TCHH: variants seen among roughly 807,000 people sequenced by gnomAD.
TCHH encodes trichohyalin.
TCHH carries 6 observed loss-of-function variants against 6.3 expected under a neutral mutation model. That is an observed-to-expected ratio of 0.95 (90% CI 0.52 to 1.88). The LOEUF is 1.88. Among genes scored for constraint, TCHH ranks in the 40% most tolerant of loss-of-function variants. TCHH has a pLI of 0.01. For synonymous variants in TCHH, 1,087 were observed against 963.6 expected (o/e 1.13, Z -2.37); for missense variants, 2,920 against 2,449.1 (o/e 1.19, Z -4.06).
chr1:152,110,568 CTTCCT>C lies in TCHH; in HGVS notation c.2644_2648del (p.Arg882GlufsTer81). On this transcript the variant is annotated frameshift_variant, in exon 3 of 3. Transcript: ENST00000614923. LOFTEE classifies it low-confidence loss of function (END_TRUNC). ...TGGCGTACAGCGTGTGGCGGCGTCT[CTTCCT>C]TTCTTCTTCTAGTTGCCACCTCCAT... 1.2e-6 allele frequency: 2 copies of C among 1,614,192 alleles called. No individual in the cohort carries two copies. Among genetic ancestry groups the C allele is most frequent in the Non-Finnish European group, 1.7e-6 (2 of 1,180,024 alleles).
chr1:152,110,777 C>T lies in TCHH; in HGVS notation c.2440G>A (p.Glu814Lys), dbSNP rs1572157578. 1.2e-6 allele frequency: 2 copies of T among 1,607,752 alleles called. No homozygotes were observed. Among genetic ancestry groups the T allele is most frequent in the South Asian group, 2.2e-5 (2 of 91,072 alleles). The change falls in exon 3 of 3, where the codon GAG (glutamate) becomes AAG (lysine). Residue 814 changes from glutamate to lysine, a missense_variant. Transcript: ENST00000614923. ...QQREQRFLPE[E>K]EEKEQRRRQR... ...CGGCGCCGCTGCTCCTTCTCCTCCTCCTCCGGGAGAAACCGTTGTTCCCGC... is the reference window on the plus strand; with the variant it reads ...CGGCGCCGCTGCTCCTTCTCCTCCTTCTCCGGGAGAAACCGTTGTTCCCGC...
In TCHH at chr1:152,109,958, G is replaced by A. The variant is rs1658267297; in HGVS notation, c.3259C>T (p.Gln1087Ter). The change falls in exon 3 of 3, where the codon CAG (glutamine) becomes TAG (stop). Residue 1087 changes from glutamine to a stop codon, truncating the protein, a stop_gained. Coordinates refer to ENST00000614923, the MANE Select transcript of TCHH (RefSeq NM_007113.4). LOFTEE classifies it low-confidence loss of function (END_TRUNC). ...ERQYRKEEEL[Q>*]QEEEQLLREE... is the part of the protein sequence containing the mutation. ...CTCAGCAGCTGCTCTTCCTCCTGCT[G>A]CAGCTCCTCTTCCTTCCGATATTGC... The A allele has an allele frequency of 3.8e-6, 6 of 1,579,762 alleles. No individual in the cohort carries two copies. The highest frequency in any genetic ancestry group is 2.8e-5 in the African/African-American group (2 of 71,378).
In TCHH at chr1:152,109,848, C is replaced by T. The variant is rs1242962628; in HGVS notation, c.3369G>A (p.Leu1123=). The T allele has an allele frequency of 1.2e-6, 2 of 1,611,122 alleles. No homozygotes were observed. Among genetic ancestry groups the T allele is most frequent in the Non-Finnish European group, 1.7e-6 (2 of 1,179,364 alleles). ...EEELQQEEEQ[L]LREEREKRRR... ...TTCTCTTCTCCCGTTCCTCTCTCAGCAGCTGCTCTTCCTCCTGCTGCAGCT... is the reference window on the plus strand; with the variant it reads ...TTCTCTTCTCCCGTTCCTCTCTCAGTAGCTGCTCTTCCTCCTGCTGCAGCT... Residue 1123 remains leucine, a synonymous_variant, in exon 3 of 3, where the codon CTG becomes CTA. Coordinates refer to ENST00000614923, the MANE Select transcript of TCHH (RefSeq NM_007113.4).
Position 152,111,291 on chromosome 1 carries a change from C to T in TCHH, c.1926G>A (p.Arg642=), listed in dbSNP as rs780296780. 8 of 1,604,916 alleles carry T rather than the reference C, an allele frequency of 5.0e-6. No homozygotes were observed. The Admixed American group carries it at 1.3e-4, about 27-fold the overall frequency. The change falls in exon 3 of 3, where the codon AGG becomes AGA. Residue 642 remains arginine, a synonymous_variant. Coordinates refer to ENST00000614923, the MANE Select transcript of TCHH (RefSeq NM_007113.4). ...GCTCGCGCCTTAGTTGCTGCTGGCGCCTCTCCTCCTGCTCCTCGCTCTTCA... is the reference window on the plus strand; with the variant it reads ...GCTCGCGCCTTAGTTGCTGCTGGCGTCTCTCCTCCTGCTCCTCGCTCTTCA... ...QLLKSEEQEE[R]RQQQLRREQQ... is the part of the protein sequence containing the mutation.
In TCHH at chr1:152,106,579, G is replaced by A. The variant is rs1658112269; in HGVS notation, c.*806C>T. On this transcript the variant is annotated 3_prime_UTR_variant, in exon 3 of 3. Transcript: ENST00000614923. Reference sequence around the variant, plus strand: ...TTCTAACAAGCTAAAATTAACAAAGGTTCATAATATTCTGAAACTCATCAA... The same window carrying A: ...TTCTAACAAGCTAAAATTAACAAAGATTCATAATATTCTGAAACTCATCAA... 1 of 152,066 alleles carries A rather than the reference G, an allele frequency of 6.6e-6. No homozygotes were observed. Among genetic ancestry groups the A allele is most frequent in the South Asian group, 2.1e-4 (1 of 4,820 alleles). The allele number at this position is 152,066 out of a possible 1,614,324, so 9.4% of individuals were successfully genotyped here.
Position 152,113,056 on chromosome 1 carries a change from A to C in TCHH, c.161T>G (p.Val54Gly). ...VLRRPHDPKT[V>G]DLILELLDLD... is the part of the protein sequence containing the mutation. ...ATCCAGAAGTTCCAGGATCAGATCT[A>C]CCGTCTTAGGGTCATGTGGTCTCTA... is the stretch of plus-strand genomic sequence containing the variant. The change falls in exon 3 of 3, where the codon GTA (valine) becomes GGA (glycine). Residue 54 changes from valine (V) to glycine (G), a missense_variant. Physicochemically the swap from Val to Gly is moderately radical, Grantham distance 109 (BLOSUM62 -3). Transcript: ENST00000614923. 6.2e-7 allele frequency: 1 copy of C among 1,612,858 alleles called. No homozygotes were observed. The highest frequency in any genetic ancestry group is 8.5e-7 in the Non-Finnish European group (1 of 1,179,344).
In TCHH at chr1:152,110,739, C is replaced by G. The variant is rs1194574576; in HGVS notation, c.2478G>C (p.Glu826Asp). 2 of 1,609,694 alleles carry G rather than the reference C, an allele frequency of 1.2e-6. No homozygotes were observed. The highest frequency in any genetic ancestry group is 1.3e-5 in the African/African-American group (1 of 74,936). Residue 826 changes from glutamate to aspartate, a missense_variant, in exon 3 of 3, where the codon GAG becomes GAC. By Grantham distance (45) the Glu-to-Asp change is conservative. Coordinates refer to ENST00000614923, the MANE Select transcript of TCHH (RefSeq NM_007113.4). ...EKEQRRRQRR[E>D]REKELQFLEE... ...CCAGGAACTGCAGCTCTTTCTCCCT[C>G]TCGCGTCGCTGGCGGCGCCGCTGCT...
Position 152,107,341 on chromosome 1 carries a change from C to T in TCHH, c.*44G>A, listed in dbSNP as rs1658131236. The T allele has an allele frequency of 6.7e-7, 1 of 1,499,090 alleles. No homozygotes were observed. The allele number at this position is 1,499,090 out of a possible 1,614,324, so 92.9% of individuals were successfully genotyped here. ...TGGTACCCAGTGTTTCTCATTTTCC[C>T]GTGCTCGAAGCTTTGGCAGGTGTCA... On this transcript the variant is annotated 3_prime_UTR_variant, in exon 3 of 3. Transcript: ENST00000614923.
At chr1:152,113,119 T>C (rs745797991) in intron 2 of TCHH, 41 bp from the exon 3 acceptor site, 2 of 1,510,400 alleles carry the variant, frequency 1.3e-6, no homozygotes, top group African/African-American at 1.4e-5. Context: ...AATGCACTAT[T>C]TACAGGTGGT....
Position 152,111,073 on chromosome 1 carries a change from C to A in TCHH, c.2144G>T (p.Arg715Leu), listed in dbSNP as rs764123147. The change falls in exon 3 of 3, where the codon CGG (arginine) becomes CTG (leucine). Residue 715 changes from arginine to leucine, a missense_variant. Arg to Leu is a moderately radical substitution (Grantham distance 102). Coordinates refer to ENST00000614923, the MANE Select transcript of TCHH (RefSeq NM_007113.4). ...GGGCCTCGAGTAGACTTTGCTTTGC[C>A]GTGCGTCGGCCTCGCTTTCTAGCTG... ...QWQLESEADARQSKVYSRPRK... is the reference protein window; with the variant it reads ...QWQLESEADALQSKVYSRPRK... The A allele has an allele frequency of 6.2e-7, 1 of 1,613,534 alleles. No homozygotes were observed. Among genetic ancestry groups the A allele is most frequent in the Non-Finnish European group, 8.5e-7 (1 of 1,180,026 alleles).
chr1:152,109,614 C>T lies in TCHH; in HGVS notation c.3603G>A (p.Glu1201=), dbSNP rs1337891030. Residue 1201 remains glutamate, a synonymous_variant, in exon 3 of 3, where the codon GAG becomes GAA. Transcript: ENST00000614923. ...RRQERERQYR[E]EEELQRQKRK... ...TTTTCTGGCGCTGAAGCTCTTCCTCCTCCCGATACTGCCTCTCCCGCTCCT... is the reference window on the plus strand; with the variant it reads ...TTTTCTGGCGCTGAAGCTCTTCCTCTTCCCGATACTGCCTCTCCCGCTCCT... 3.1e-6 allele frequency: 5 copies of T among 1,614,246 alleles called. No individual in the cohort carries two copies. The highest frequency in any genetic ancestry group is 1.7e-5 in the Admixed American group (1 of 60,034).
rs781542550 is a variant in TCHH, at chr1:152,108,926, TTC to T, written c.4289_4290del (p.Arg1430LysfsTer4). On this transcript the variant is annotated frameshift_variant, in exon 3 of 3. Transcript: ENST00000614923. LOFTEE classifies it low-confidence loss of function (END_TRUNC). Reference protein sequence around the residue: ...EQQLSRQERDRKFREEEQQVR... With the variant: ...EQQLSRQERDXKFREEEQQVR... Reference sequence around the variant, plus strand: ...ACCTGCTGTTCCTCTTCACGGAATTTTCTGTCACGCTCTTGGCGGCTCAGCTG... The same window carrying T: ...ACCTGCTGTTCCTCTTCACGGAATTTTGTCACGCTCTTGGCGGCTCAGCTG... 6.2e-6 allele frequency: 10 copies of T among 1,613,112 alleles called. No individual in the cohort carries two copies. The African/African-American group carries it at 9.4e-5, about 15-fold the overall frequency.
chr1:152,110,055 C>T lies in TCHH; in HGVS notation c.3162G>A (p.Glu1054=), dbSNP rs752160625. 1.1e-5 allele frequency: 18 copies of T among 1,608,110 alleles called. No homozygotes were observed. Among genetic ancestry groups the T allele is most frequent in the Non-Finnish European group, 1.5e-5 (18 of 1,177,850 alleles). The change falls in exon 3 of 3, where the codon GAG becomes GAA. Residue 1054 remains glutamate (E), a synonymous_variant. Transcript: ENST00000614923. ...GCTGCTCTTCCTCCTGCTGCAGCTC[C>T]TCTTCCTCCCGATATTGCCTCTCCC... The part of the protein sequence containing the change: ...QERERQYREE[E]ELQQEEEQLL...
In TCHH at chr1:152,108,523, T is replaced by G; in HGVS notation, c.4694A>C (p.Gln1565Pro). 6.3e-7 allele frequency: 1 copy of G among 1,599,402 alleles called. No individual in the cohort carries two copies. The highest frequency in any genetic ancestry group is 2.3e-5 in the East Asian group (1 of 42,856). ...GCTCAGCTGCTGTTCCTCCCTCTCC[T>G]GGCGCAGCTGTTCCTCCTCGCGGAA... ...RKFREEEQLR[Q>P]EREEQQLSRQ... The change falls in exon 3 of 3, where the codon CAG becomes CCG. Residue 1565 changes from glutamine (Q) to proline (P), a missense_variant. By Grantham distance (76) the Gln-to-Pro change is moderately conservative (BLOSUM62 -1). Coordinates refer to ENST00000614923, the MANE Select transcript of TCHH (RefSeq NM_007113.4).
In TCHH at chr1:152,110,026, A is replaced by T. The variant is rs773025606; in HGVS notation, c.3191T>A (p.Leu1064Gln). 8 of 1,599,930 alleles carry T rather than the reference A, an allele frequency of 5.0e-6. No homozygotes were observed. The highest frequency in any genetic ancestry group is 6.0e-6 in the Non-Finnish European group (7 of 1,175,626). ...EELQQEEEQL[L>Q]GEERETRRRQ... ...CCTTCTCGTCTCCCGTTCCTCTCCC[A>T]GCAGCTGCTCTTCCTCCTGCTGCAG... The change falls in exon 3 of 3, where the codon CTG becomes CAG. Residue 1064 changes from leucine to glutamine, a missense_variant. Physicochemically the swap from Leu to Gln is moderately radical, Grantham distance 113 (BLOSUM62 -2). Coordinates refer to ENST00000614923, the MANE Select transcript of TCHH (RefSeq NM_007113.4).
Position 152,110,095 on chromosome 1 carries a change from C to A in TCHH, c.3122G>T (p.Arg1041Ile). The change falls in exon 3 of 3, where the codon AGA becomes ATA. Residue 1041 changes from arginine to isoleucine, a missense_variant. Transcript: ENST00000614923. ...EQLLREEREK[R>I]RLQERERQYR... is the part of the protein sequence containing the mutation. ...TTGCCTCTCCCGCTCCTGGAGTCTTCTTTTCTCCCGTTCCTCTCTCAGCAG... is the reference window on the plus strand; with the variant it reads ...TTGCCTCTCCCGCTCCTGGAGTCTTATTTTCTCCCGTTCCTCTCTCAGCAG... The A allele has an allele frequency of 6.2e-7, 1 of 1,611,384 alleles. No homozygotes were observed. The highest frequency in any genetic ancestry group is 8.5e-7 in the Non-Finnish European group (1 of 1,178,998).
In TCHH at chr1:152,108,719, C is replaced by T; in HGVS notation, c.4498G>A (p.Asp1500Asn). The T allele has an allele frequency of 6.2e-7, 1 of 1,612,206 alleles. No homozygotes were observed. The highest frequency in any genetic ancestry group is 1.1e-5 in the South Asian group (1 of 90,992). The change falls in exon 3 of 3, where the codon GAC becomes AAC. Residue 1500 changes from aspartate (D) to asparagine (N), a missense_variant. By Grantham distance (23) the Asp-to-Asn change is conservative (BLOSUM62 1). Coordinates refer to ENST00000614923, the MANE Select transcript of TCHH (RefSeq NM_007113.4). ...EEQQLRRQER[D>N]RKFREQELRS... ...AGTTCCTGTTCGCGGAATTTTCTGTCACGCTCTTGGCGGCGCAGCTGTTGT... is the reference window on the plus strand; with the variant it reads ...AGTTCCTGTTCGCGGAATTTTCTGTTACGCTCTTGGCGGCGCAGCTGTTGT...
At position 152,112,782 on chromosome 1, in the gene TCHH, C is replaced by G; in HGVS notation, c.435G>C (p.Glu145Asp). Reference protein sequence around the residue: ...QRRRQKRQEQERELAEGEEQS... With the variant: ...QRRRQKRQEQDRELAEGEEQS... ...GCTCCTCTCCCTCAGCTAGCTCCCT[C>G]TCCTGTTCCTGCCTCTTCTGCCTGC... Residue 145 changes from glutamate to aspartate, a missense_variant, in exon 3 of 3, where the codon GAG becomes GAC. Coordinates refer to ENST00000614923, the MANE Select transcript of TCHH (RefSeq NM_007113.4). The G allele has an allele frequency of 6.2e-7, 1 of 1,614,102 alleles. No homozygotes were observed. The highest frequency in any genetic ancestry group is 8.5e-7 in the Non-Finnish European group (1 of 1,180,034).
In TCHH at chr1:152,109,777, T is replaced by C. The variant is rs779514328; in HGVS notation, c.3440A>G (p.Gln1147Arg). 3.8e-6 allele frequency: 6 copies of C among 1,581,078 alleles called. No individual in the cohort carries two copies. Among genetic ancestry groups the C allele is most frequent in the Non-Finnish European group, 5.2e-6 (6 of 1,160,854 alleles). ...TCTCAGCAGCTGCTCTTCCTCCTGC[T>C]GCACCTCCTCTTCCTCCCGATATTG... ...ERQYREEEEVQQEEEQLLREE... is the reference protein window; with the variant it reads ...ERQYREEEEVRQEEEQLLREE... Residue 1147 changes from glutamine to arginine, a missense_variant, in exon 3 of 3, where the codon CAG becomes CGG. Coordinates refer to ENST00000614923, the MANE Select transcript of TCHH (RefSeq NM_007113.4).
Sources: gnomAD v4.1 joint callset for allele counts on GRCh38, gnomAD v4.1.1 for gene constraint, MANE v1.5 for transcripts, NCBI Gene and HGNC (gene_info 2026-07-23, HGNC 2026-07-21) for gene names.